The following ALDH3B1 variants were observed in gnomAD, a reference collection of about 807,000 sequenced individuals.
The protein encoded by ALDH3B1 is aldehyde dehydrogenase 3 family member B1.
Under a neutral mutation model 46.2 loss-of-function variants are expected in ALDH3B1, and 37 were observed. That is an observed-to-expected ratio of 0.80 (90% CI 0.62 to 1.05). The LOEUF is 1.05. ALDH3B1 is among the 50% of genes least tolerant of loss of function. The pLI, the probability that ALDH3B1 is intolerant of heterozygous loss-of-function variation, is 0.00. For missense variants in ALDH3B1, 603 were observed against 665.5 expected (o/e 0.91, Z 1.03); for synonymous variants, 283 against 281.0 (o/e 1.01, Z -0.07).
rs1431787454 is a variant in ALDH3B1, at chr11:68,021,694, G to A, written c.772G>A (p.Glu258Lys). Reference protein sequence around the residue: ...DYVLCSPEMQERLLPALQSTI... With the variant: ...DYVLCSPEMQKRLLPALQSTI... Reference sequence around the variant, plus strand: ...CGTCCTATGCAGCCCTGAGATGCAGGAGAGGCTGCTGCCTGCCCTGCAGAG... The same window carrying A: ...CGTCCTATGCAGCCCTGAGATGCAGAAGAGGCTGCTGCCTGCCCTGCAGAG... Residue 258 changes from glutamate to lysine, a missense_variant, in exon 7 of 10, where the codon GAG becomes AAG. Coordinates refer to ENST00000342456, the MANE Select transcript of ALDH3B1 (RefSeq NM_000694.4). 8 of 1,613,960 alleles carry A rather than the reference G, an allele frequency of 5.0e-6. No homozygotes were observed. The highest frequency in any genetic ancestry group is 6.8e-6 in the Non-Finnish European group (8 of 1,180,010).
chr11:68,015,753 A>G (rs1485773127), intron 2 of ALDH3B1: 1 of 555,318 alleles, frequency 1.8e-6, no homozygotes. Flanking sequence ...ATCGGAGACA[A>G]TAAAACAGCA....
chr11:68,021,969 C>A, intron 7 of ALDH3B1, 98 bp downstream of exon 7: 22 of 1,506,700 alleles, frequency 1.5e-5, no homozygotes, highest in Non-Finnish European at 1.8e-5. Context: ...GCGCCTGAAA[C>A]CTGGCCCCAC....
At chr11:68,027,710 C>T in intron 9 of ALDH3B1, 39 bp from the exon 10 acceptor site, 1 of 1,546,048 alleles carries the variant, frequency 6.5e-7, no homozygotes, top group Non-Finnish European at 8.7e-7. Context: ...CTAGGAGACC[C>T]CCAGCGCCTG....
chr11:68,014,334 G>C lies in ALDH3B1; in HGVS notation c.-1-963G>C, dbSNP rs377718689. ...TGACAGTGGATGAGGGCATAATCTG[G>C]GTGGGCTGCCTGGAGGAAGCATCAG... is the stretch of plus-strand genomic sequence containing the variant. On this transcript the variant is annotated intron_variant, in intron 1 of 9. Coordinates refer to ENST00000342456, the MANE Select transcript of ALDH3B1 (RefSeq NM_000694.4). Among the ~76,000 whole-genome samples the C allele has an allele frequency of 9.5e-4, 144 of 152,322 alleles. 3 individuals carry two copies. In the South Asian group the frequency reaches 0.023, roughly 24 times the overall value.
intron 1 of ALDH3B1, among the ~76,000 whole-genome samples, chr11:68,011,582 C>T (rs76353488): frequency 0.023 from 3,508 of 152,344 alleles, 373 homozygotes; most frequent in Admixed American, 0.18. Context: ...TGCAGGAGAT[C>T]AGAATCGGAG....
At chr11:68,011,253 G>A (rs1421284349) in intron 1 of ALDH3B1, among the ~76,000 whole-genome samples, 1 of 152,216 alleles carries the variant, frequency 6.6e-6, no homozygotes, top group Non-Finnish European at 1.5e-5. Flanking sequence ...CAGAAAGGAG[G>A]AAACAGAAAA....
At chr11:68,026,160 G>A in intron 9 of ALDH3B1, 52 bp downstream of exon 9, 2 of 1,444,830 alleles carry the variant, frequency 1.4e-6, no homozygotes, top group Non-Finnish European at 1.9e-6. Context: ...AATTGCAATA[G>A]TGTTACCTGC....
intron 8 of ALDH3B1, among the ~76,000 whole-genome samples, chr11:68,023,913 C>T (rs1320877922): frequency 3.3e-5 from 5 of 151,186 alleles, no homozygotes; most frequent in Non-Finnish European, 4.4e-5. Flanking sequence ...CGCATAGTGG[C>T]GCACACCTGT....
Position 68,019,227 on chromosome 11 carries a change from C to G in ALDH3B1, c.452C>G (p.Ala151Gly). Residue 151 changes from alanine (A) to glycine (G), a missense_variant, in exon 5 of 10, where the codon GCC becomes GGC. Ala to Gly is a moderately conservative substitution (Grantham distance 60, BLOSUM62 0). Transcript: ENST00000342456. ...EISKNVEKIL[A>G]EVLPQYVDQS... ...AGCAAGAACGTCGAGAAGATCCTGG[C>G]CGAGGTGCTGCCCCAATACGTGGAC... is the stretch of plus-strand genomic sequence containing the variant. The G allele has an allele frequency of 1.2e-6, 2 of 1,613,410 alleles. No individual in the cohort carries two copies. The highest frequency in any genetic ancestry group is 1.6e-4 in the Middle Eastern group (1 of 6,062).
At chr11:68,018,211 C>T in intron 2 of ALDH3B1, 1 of 386,366 alleles carries the variant, frequency 2.6e-6, no homozygotes, top group South Asian at 2.9e-5. Context: ...CCCACAGCCA[C>T]ACGCTCCAGC....
chr11:68,026,159 A>T (rs1857618420), intron 9 of ALDH3B1, 51 bp downstream of exon 9: 1 of 1,449,332 alleles, frequency 6.9e-7, no homozygotes, highest in East Asian at 2.5e-5. Flanking sequence ...AAATTGCAAT[A>T]GTGTTACCTG....
chr11:68,022,821 G>T, intron 8 of ALDH3B1, 60 bp downstream of exon 8: 5 of 1,598,320 alleles, frequency 3.1e-6, no homozygotes, highest in Non-Finnish European at 4.3e-6. Flanking sequence ...ACAAGTGGTG[G>T]CAGCAGGGGG....
rs1857608128 is a variant in ALDH3B1 at position 68,025,816 on chromosome 11, G to T, written c.1117-193G>T. Among the ~76,000 whole-genome samples, 3 of 152,294 alleles carry T rather than the reference G, an allele frequency of 2.0e-5. No individual in the cohort carries two copies. The South Asian group carries it at 6.2e-4, about 32-fold the overall frequency. On this transcript the variant is annotated intron_variant, in intron 8 of 9. Transcript: ENST00000342456. Reference sequence around the variant, plus strand: ...TGTCCAGGAAACATGTCCCAAGTTGGAAGCTTCATGAGGAGCTGCTACACA... The same window carrying T: ...TGTCCAGGAAACATGTCCCAAGTTGTAAGCTTCATGAGGAGCTGCTACACA...
At chr11:68,012,240 GAT>G (rs1184809612) in intron 1 of ALDH3B1, among the ~76,000 whole-genome samples, 1 of 152,150 alleles carries the variant, frequency 6.6e-6, no homozygotes, top group Non-Finnish European at 1.5e-5. Flanking sequence ...CACTCCCTGT[GAT>G]ATGTCAGCCC....
rs759341232 is a variant in ALDH3B1, at chr11:68,028,126, C to T, written c.*187C>T. 25 of 845,222 alleles carry T rather than the reference C, an allele frequency of 3.0e-5. No individual in the cohort carries two copies. Among genetic ancestry groups the T allele is most frequent in the Non-Finnish European group, 3.2e-5 (16 of 494,842 alleles). The allele number at this position is 845,222 out of a possible 1,614,324, so 52.4% of individuals were successfully genotyped here. A position where few individuals can be genotyped will look rare whatever the true frequency, so the allele number is the denominator to read the frequency against. ...CCCTGCCTCAGCCTCCTCCCTCAGC[C>T]GCTCCCAACCATGAGAGCCGAGGTG... On this transcript the variant is annotated 3_prime_UTR_variant, in exon 10 of 10. Coordinates refer to ENST00000342456, the MANE Select transcript of ALDH3B1 (RefSeq NM_000694.4).
chr11:68,021,813 G>T lies in ALDH3B1; in HGVS notation c.891G>T (p.Leu297Phe). 1 of 1,614,094 alleles carries T rather than the reference G, an allele frequency of 6.2e-7. No homozygotes were observed. Among genetic ancestry groups the T allele is most frequent in the Non-Finnish European group, 8.5e-7 (1 of 1,179,978 alleles). Residue 297 changes from leucine (L) to phenylalanine (F), a missense_variant, in exon 7 of 10, where the codon TTG (leucine) becomes TTT (phenylalanine). Transcript: ENST00000342456. ...AACAGTTCCAGCGGCTGCGGGCATT[G>T]CTGGGCTGCGGCCGTGTGGCCATTG... ...NQKQFQRLRALLGCGRVAIGG... is the reference protein window; with the variant it reads ...NQKQFQRLRAFLGCGRVAIGG...
chr11:68,019,565 C>T (rs986454832), intron 5 of ALDH3B1, 150 bp from the exon 6 acceptor site: 3 of 822,096 alleles, frequency 3.6e-6, no homozygotes, highest in Non-Finnish European at 5.7e-6. Flanking sequence ...CTCCCTTCTC[C>T]CCACTTTGCC....
At chr11:68,026,196 C>T in intron 9 of ALDH3B1, 88 bp downstream of exon 9, 2 of 1,163,586 alleles carry the variant, frequency 1.7e-6, no homozygotes, top group Non-Finnish European at 2.4e-6. Context: ...AGCACCCCAG[C>T]CCCACCTCAA....
chr11:68,009,580 CAAG>C (rs913666655), upstream of ALDH3B1, among the ~76,000 whole-genome samples: 8 of 152,360 alleles, frequency 5.3e-5, no homozygotes, highest in African/African-American at 1.9e-4. Context: ...ATAAATCGAG[CAAG>C]CTCGGGGAAC....
Sources: gnomAD v4.1 joint callset for allele counts (sites outside exome capture counted in the v4.1 genomes callset) on GRCh38, gnomAD v4.1.1 for gene constraint, MANE v1.5 for transcripts, NCBI Gene and HGNC (gene_info 2026-07-23, HGNC 2026-07-21) for gene names.